Variants in RGS7 observed in about 807,000 individuals in gnomAD.
RGS7 encodes regulator of G-protein signaling 7.
RGS7 carries 27 observed loss-of-function variants against 81.1 expected under a neutral mutation model. The ratio of observed to expected loss-of-function variants is 0.33; its 90% CI spans 0.25 to 0.46. The LOEUF (loss-of-function observed/expected upper bound fraction) is 0.46, where lower values mean the gene tolerates loss of function less well. Ranked by LOEUF, RGS7 falls within the 20% of genes least tolerant of loss-of-function variation. The pLI, the probability that RGS7 is intolerant of heterozygous loss-of-function variation, is 1.00. For synonymous variants in RGS7, 208 were observed against 207.7 expected (o/e 1.00, Z -0.01); for missense variants, 396 against 607.4 (o/e 0.65, Z 3.66).
chr1:240,854,371 T>G (rs878966653), intron 9 of RGS7, among the ~76,000 whole-genome samples: 3 of 152,214 alleles, frequency 2.0e-5, no homozygotes, highest in Non-Finnish European at 4.4e-5. Context: ...ATTTAAAAAT[T>G]TGAATTCAGA....
At chr1:240,944,280 GTGTATATATATATATATATATATATATA>G (rs1277696171) in intron 4 of RGS7, among the ~76,000 whole-genome samples, 32 of 21,194 alleles carry the variant, frequency 1.5e-3, no homozygotes, top group African/African-American at 4.9e-3. Flanking sequence ...GTGTGTGTGT[GTGTATATATATATATATATATATATATA>G]TATATATATA....
At chr1:241,318,370 T>C (rs142213378) in intron 2 of RGS7, among the ~76,000 whole-genome samples, 20 of 152,326 alleles carry the variant, frequency 1.3e-4, no homozygotes, top group African/African-American at 4.8e-4. Flanking sequence ...TCATTTCTTA[T>C]ATTTGACATC....
chr1:240,868,508 C>T lies in RGS7; in HGVS notation c.609+79G>A. The T allele has an allele frequency of 8.1e-7, 1 of 1,235,670 alleles. No individual in the cohort carries two copies. 76.5% of individuals were successfully genotyped at this position (1,235,670 alleles called of 1,614,324 possible). ...CGTGCATGGGGTCACTACAGTCTTT[C>T]ACTTACTTTGGCAGGGCACCCCTCA... is the stretch of plus-strand genomic sequence containing the variant. On this transcript the variant is annotated intron_variant, in intron 9 of 18. Transcript: ENST00000440928. This position sits in a 1 kb window ranked among gnomAD's most constrained non-coding sequence, Gnocchi z 5.1.
intron 2 of RGS7, among the ~76,000 whole-genome samples, chr1:241,340,303 T>C (rs2082469007): frequency 6.6e-6 from 1 of 152,180 alleles, no homozygotes; most frequent in East Asian, 1.9e-4. Context: ...TTGGTTATAA[T>C]CAAATACATC....
intron 3 of RGS7, among the ~76,000 whole-genome samples, chr1:241,028,720 A>G (rs10926397): frequency 0.2 from 30,008 of 152,064 alleles, 3,748 homozygotes; most frequent in African/African-American, 0.35. Context: ...CCTTAGGATA[A>G]GTTGAAAAGC....
chr1:240,785,774 C>T (rs532813764), intron 18 of RGS7, among the ~76,000 whole-genome samples: 1 of 152,276 alleles, frequency 6.6e-6, no homozygotes, highest in African/African-American at 2.4e-5. Context: ...TCAAGCTAGG[C>T]TAGGTGTTAG....
intron 2 of RGS7, among the ~76,000 whole-genome samples, chr1:241,146,212 T>G (rs892478890): frequency 6.6e-6 from 1 of 151,664 alleles, no homozygotes; most frequent in African/African-American, 2.4e-5. Flanking sequence ...AAAATTAAAA[T>G]GACAGTACAA....
Position 240,980,435 on chromosome 1 carries a change from A to C in RGS7, c.226+2644T>G, listed in dbSNP as rs144955124. Among the ~76,000 whole-genome samples, 246 of 152,286 alleles carry C rather than the reference A, an allele frequency of 1.6e-3. 1 individual carries two copies. Among genetic ancestry groups the C allele is most frequent in the African/African-American group, 5.9e-3 (245 of 41,562 alleles). On this transcript the variant is annotated intron_variant, in intron 4 of 18. Transcript: ENST00000440928. ...CATCAAACCATCCCTAGAGATCTTC[A>C]AACGACCACTTGGCTACCAGAGAGC...
intron 6 of RGS7, among the ~76,000 whole-genome samples, chr1:240,879,338 T>G (rs1381242709): frequency 1.3e-5 from 2 of 152,250 alleles, no homozygotes; most frequent in African/African-American, 4.8e-5. Flanking sequence ...CTACATGTAT[T>G]TGCCTGGTAT....
intron 6 of RGS7, among the ~76,000 whole-genome samples, chr1:240,925,318 A>G (rs896688539): frequency 2.0e-5 from 3 of 151,792 alleles, no homozygotes; most frequent in African/African-American, 7.3e-5. Context: ...TATTGTTCTC[A>G]TCTTTATGCC....
Position 240,802,936 on chromosome 1 carries a change from C to T in RGS7, c.1327G>A (p.Ala443Thr). Residue 443 changes from alanine to threonine, a missense_variant, in exon 16 of 19, where the codon GCC becomes ACC. By Grantham distance (58) the Ala-to-Thr change is moderately conservative (BLOSUM62 0). Transcript: ENST00000440928. ...TTTGCCTGTAGAAGCTCCTGATAGG[C>T]ACTGGATCTTATAAAACGTGGGTAT... is the stretch of plus-strand genomic sequence containing the variant. ...DSYPRFIRSS[A>T]YQELLQAKKK... The T allele has an allele frequency of 6.2e-7, 1 of 1,612,468 alleles. No homozygotes were observed. The highest frequency in any genetic ancestry group is 8.5e-7 in the Non-Finnish European group (1 of 1,178,708).
At chr1:241,221,930 A>G (rs990946846) in intron 2 of RGS7, among the ~76,000 whole-genome samples, 1 of 152,066 alleles carries the variant, frequency 6.6e-6, no homozygotes, top group African/African-American at 2.4e-5. Context: ...CATACATTTT[A>G]TACTCACACA....
chr1:241,326,841 T>C (rs1452795260), intron 2 of RGS7, among the ~76,000 whole-genome samples: 1 of 149,024 alleles, frequency 6.7e-6, no homozygotes, highest in Non-Finnish European at 1.5e-5. Context: ...GCCCAGGAGG[T>C]TGAGGCTGCG....
At chr1:241,353,578 T>C (rs2083379455) in intron 2 of RGS7, among the ~76,000 whole-genome samples, 1 of 152,182 alleles carries the variant, frequency 6.6e-6, no homozygotes. Flanking sequence ...TAAAATGTAC[T>C]GAAAGGAGTT....
chr1:241,161,505 T>G (rs1466954911), intron 2 of RGS7, among the ~76,000 whole-genome samples: 1 of 148,150 alleles, frequency 6.7e-6, no homozygotes, highest in Non-Finnish European at 1.5e-5. Context: ...TATATTATTA[T>G]AACTAATAAC....
chr1:241,232,775 T>G (rs1273819109), intron 2 of RGS7, among the ~76,000 whole-genome samples: 1 of 152,186 alleles, frequency 6.6e-6, no homozygotes. Flanking sequence ...TCTTCCTATC[T>G]GTGAACACGT....
intron 9 of RGS7, among the ~76,000 whole-genome samples, chr1:240,847,098 C>T (rs1290886038): frequency 6.6e-6 from 1 of 152,182 alleles, no homozygotes; most frequent in African/African-American, 2.4e-5. Flanking sequence ...TATACTTAAC[C>T]TTCAAACTTC....
Position 240,805,992 on chromosome 1 carries a change from C to A in RGS7, c.1269+148G>T, listed in dbSNP as rs1360341142. On this transcript the variant is annotated intron_variant, in intron 15 of 18. Coordinates refer to ENST00000440928, the MANE Select transcript of RGS7 (RefSeq NM_001364886.1). ...CTATTCAGTTTAATGTGTCTTTGTT[C>A]CTTCCTAGATCAGTTAGAGTTATTT... 1.2e-5 allele frequency: 9 copies of A among 745,934 alleles called. 1 individual carries two copies. In the Admixed American group the frequency reaches 1.6e-4, roughly 14 times the overall value. The allele number at this position is 745,934 out of a possible 1,614,324, so 46.2% of individuals were successfully genotyped here.
At chr1:241,268,064 G>A (rs35071201) in intron 2 of RGS7, among the ~76,000 whole-genome samples, 22,072 of 152,166 alleles carry the variant, frequency 0.15, 1,691 homozygotes, top group Middle Eastern at 0.2. Context: ...CACACTAGGG[G>A]TCTTGCTAGC....
Sources: gnomAD v4.1 joint callset for allele counts (sites outside exome capture counted in the v4.1 genomes callset) on GRCh38, gnomAD v4.1.1 for gene constraint, Gnocchi (gnomAD v3.1) non-coding constraint, MANE v1.5 for transcripts, NCBI Gene and HGNC (gene_info 2026-07-23, HGNC 2026-07-21) for gene names.